RBFOX3: variants seen among roughly 807,000 people sequenced by gnomAD.
The protein encoded by RBFOX3 is RNA binding protein fox-1 homolog 3.
In RBFOX3, 17 loss-of-function variants were observed where a neutral mutation model predicts 48.7. The ratio of observed to expected loss-of-function variants is 0.35; its 90% CI spans 0.24 to 0.52. RBFOX3 has a LOEUF of 0.52. RBFOX3 is among the 20% of genes least tolerant of loss of function. RBFOX3 has a pLI of 0.94. For synonymous variants in RBFOX3, 212 were observed against 209.5 expected, an observed-to-expected ratio of 1.01 and a Z score of -0.10; for missense variants, 382 against 497.5, an observed-to-expected ratio of 0.77 and a Z score of 2.21.
At chr17:79,628,480 G>A in the RBFOX3 span, among the ~76,000 whole-genome samples, 1 of 152,326 alleles carries the variant, frequency 6.6e-6, no homozygotes, top group South Asian at 2.1e-4. Context: ...GCCATGACGT[G>A]CCCGGGTTTA....
At chr17:79,235,250 A>C (rs1212230031) in intron 4 of RBFOX3, 1 of 152,302 alleles carries the variant, frequency 6.6e-6, no homozygotes, top group Admixed American at 6.5e-5. Flanking sequence ...CCAGTCCCCC[A>C]GCGAGGGTCA....
At chr17:79,131,939 G>A (rs11657900) in intron 4 of RBFOX3, among the ~76,000 whole-genome samples, 2,425 of 152,232 alleles carry the variant, frequency 0.016, 38 homozygotes, top group Non-Finnish European at 0.024. Context: ...ACGATTAAGC[G>A]GTAATTCTCT....
At chr17:79,174,053 C>G (rs1439099790) in intron 4 of RBFOX3, among the ~76,000 whole-genome samples, 2 of 152,080 alleles carry the variant, frequency 1.3e-5, no homozygotes, top group Admixed American at 1.3e-4. Context: ...TTAGCTACAC[C>G]AGGAGACACA....
At position 79,299,086 on chromosome 17, in the gene RBFOX3, C is replaced by T. The variant is rs974394867; in HGVS notation, c.-74+8638G>A. On this transcript the variant is annotated intron_variant, in intron 3 of 14. Transcript: ENST00000693108. The surrounding 1 kb of genome is among the most constrained non-coding windows in gnomAD (Gnocchi z 4.5). ...CCCTGGCAGCAGATGCGGCTGGCCT[C>T]GGAAATACGGGAGGGACATGGGAAA... Among the ~76,000 whole-genome samples the T allele has an allele frequency of 5.3e-5, 8 of 150,178 alleles. No homozygotes were observed. The highest frequency in any genetic ancestry group is 7.4e-5 in the Non-Finnish European group (5 of 67,848).
At chr17:79,647,161 G>A in the RBFOX3 span, among the ~76,000 whole-genome samples, 1 of 152,008 alleles carries the variant, frequency 6.6e-6, no homozygotes, top group Non-Finnish European at 1.5e-5. Flanking sequence ...CTAGAGCCGT[G>A]CCCAGCCATG....
chr17:79,426,981 G>A (rs2148829453), intron 2 of RBFOX3, among the ~76,000 whole-genome samples: 1 of 152,260 alleles, frequency 6.6e-6, no homozygotes, highest in South Asian at 2.1e-4. Flanking sequence ...TAGGATTACA[G>A]GTGTGAGCCA....
chr17:79,385,291 C>T (rs2060420963), intron 2 of RBFOX3, among the ~76,000 whole-genome samples: 1 of 152,204 alleles, frequency 6.6e-6, no homozygotes, highest in South Asian at 2.1e-4. Context: ...GGCGGGGAGG[C>T]TGCAAGGGAA....
At chr17:79,468,956 A>C (rs2076697981) in intron 2 of RBFOX3, among the ~76,000 whole-genome samples, 1 of 148,558 alleles carries the variant, frequency 6.7e-6, no homozygotes, top group Non-Finnish European at 1.5e-5. Flanking sequence ...GGATGGATGG[A>C]TGGATGGATG....
chr17:79,294,678 T>C (rs1372263641), intron 3 of RBFOX3, among the ~76,000 whole-genome samples: 1 of 152,134 alleles, frequency 6.6e-6, no homozygotes, highest in African/African-American at 2.4e-5. Flanking sequence ...GACAGCGACC[T>C]GCGGGTGGGA....
intron 2 of RBFOX3, among the ~76,000 whole-genome samples, chr17:79,359,946 G>C (rs1185253261): frequency 1.3e-5 from 2 of 152,046 alleles, no homozygotes; most frequent in Non-Finnish European, 2.9e-5. Flanking sequence ...GGCTGATCTC[G>C]AACTCCAGGG....
rs1405669588 is a variant in RBFOX3, at chr17:79,484,625, G to T, written c.-319-2027C>A. Reference sequence around the variant, plus strand: ...TGTGCAGAGGTAGAGGACTCAGGTGGAGGTGGAAGGCAGCCCAGGTTGGGT... The same window carrying T: ...TGTGCAGAGGTAGAGGACTCAGGTGTAGGTGGAAGGCAGCCCAGGTTGGGT... On this transcript the variant is annotated intron_variant, in intron 1 of 14. Coordinates refer to ENST00000693108, the MANE Select transcript of RBFOX3 (RefSeq NM_001350451.2). Among the ~76,000 whole-genome samples, 6 of 152,188 alleles carry T rather than the reference G, an allele frequency of 3.9e-5. No individual in the cohort carries two copies. In the East Asian group the frequency reaches 1.2e-3, roughly 29 times the overall value.
At chr17:79,140,870 G>C (rs936673321) in intron 4 of RBFOX3, among the ~76,000 whole-genome samples, 2 of 152,194 alleles carry the variant, frequency 1.3e-5, no homozygotes, top group Non-Finnish European at 2.9e-5. Flanking sequence ...GGGAAACGGA[G>C]CCAGATGCCA....
At chr17:79,256,245 G>A (rs2064826968) in intron 3 of RBFOX3, among the ~76,000 whole-genome samples, 1 of 151,942 alleles carries the variant, frequency 6.6e-6, no homozygotes, top group South Asian at 2.1e-4. Context: ...CTTGTCTCTG[G>A]GGCTTCTATT....
chr17:79,215,948 G>C (rs114043011), intron 4 of RBFOX3, among the ~76,000 whole-genome samples: 1 of 152,278 alleles, frequency 6.6e-6, no homozygotes, highest in African/African-American at 2.4e-5. Context: ...GTAGAGGTCA[G>C]AGCCAGAGTC....
At chr17:79,306,080 C>T (rs765286662) in intron 3 of RBFOX3, among the ~76,000 whole-genome samples, 2 of 152,250 alleles carry the variant, frequency 1.3e-5, no homozygotes, top group Non-Finnish European at 2.9e-5. Context: ...AAAGCACAGA[C>T]GGAATCTAGC....
chr17:79,384,308 G>A (rs1158658284), intron 2 of RBFOX3, among the ~76,000 whole-genome samples: 6 of 152,202 alleles, frequency 3.9e-5, no homozygotes, highest in Admixed American at 3.9e-4. Flanking sequence ...TTCAGAGGGA[G>A]CTCTTAGAGG....
intron 4 of RBFOX3, among the ~76,000 whole-genome samples, chr17:79,159,185 G>C (rs1270830036): frequency 6.6e-6 from 1 of 152,214 alleles, no homozygotes; most frequent in Non-Finnish European, 1.5e-5. Flanking sequence ...GGTGGCCAGG[G>C]AGGCTCTGAC....
intron 2 of RBFOX3, among the ~76,000 whole-genome samples, chr17:79,478,753 C>A (rs1186316616): frequency 6.6e-6 from 1 of 152,218 alleles, no homozygotes; most frequent in African/African-American, 2.4e-5. Flanking sequence ...CCTGAAAGAC[C>A]CATCTGCTCC....
At chr17:79,268,707 C>T (rs2067162418) in intron 3 of RBFOX3, among the ~76,000 whole-genome samples, 1 of 152,184 alleles carries the variant, frequency 6.6e-6, no homozygotes, top group Non-Finnish European at 1.5e-5. Context: ...GGCATCCCTC[C>T]CGCTCCCTGA....
Sources: gnomAD v4.1 joint callset for allele counts (sites outside exome capture counted in the v4.1 genomes callset) on GRCh38, gnomAD v4.1.1 for gene constraint, Gnocchi (gnomAD v3.1) non-coding constraint, MANE v1.5 for transcripts, NCBI Gene and HGNC (gene_info 2026-07-23, HGNC 2026-07-21) for gene names.